The following IL4R variants were observed in gnomAD, a reference collection of about 807,000 sequenced individuals.
IL4R encodes the protein interleukin 4 receptor, also known as interleukin-4 receptor subunit alpha.
In IL4R, 17 loss-of-function variants were observed where a neutral mutation model predicts 41.5. That is an observed-to-expected ratio of 0.41 (90% confidence interval 0.28 to 0.61). The LOEUF is 0.61. Ranked by LOEUF, IL4R falls within the 20% of genes least tolerant of loss-of-function variation. IL4R has a pLI of 0.31. For missense variants in IL4R, 974 were observed against 1,043.1 expected, an observed-to-expected ratio of 0.93 and a Z score of 0.91; for synonymous variants, 402 against 422.9, an observed-to-expected ratio of 0.95 and a Z score of 0.61.
At chr16:27,347,056 A>G (rs2085673389) in intron 6 of IL4R, among the ~76,000 whole-genome samples, 1 of 152,212 alleles carries the variant, frequency 6.6e-6, no homozygotes, top group South Asian at 2.1e-4. Flanking sequence ...TGACTCGTTT[A>G]CTAATTCCTC....
chr16:27,360,263 T>C (rs3024667), intron 9 of IL4R, among the ~76,000 whole-genome samples: 123,731 of 151,958 alleles, frequency 0.81, 53,394 homozygotes, highest in Non-Finnish European at 0.95. Context: ...ATCCACCCAC[T>C]TCAGCCTCCC....
At chr16:27,314,044 G>C in intron 1 of IL4R, 24 bp downstream of exon 1, 1 of 985,078 alleles carries the variant, frequency 1.0e-6, no homozygotes, top group Middle Eastern at 5.2e-4. Flanking sequence ...CCCGCGCGCG[G>C]ATCGGGTTGC....
At chr16:27,361,429 A>AGAGT (rs1491456503) in intron 10 of IL4R, among the ~76,000 whole-genome samples, 1 of 151,954 alleles carries the variant, frequency 6.6e-6, no homozygotes, top group Non-Finnish European at 1.5e-5. Flanking sequence ...CCTGGGCGAC[A>AGAGT]GAGTGAGACT....
chr16:27,316,715 G>A (rs983908138), intron 1 of IL4R, among the ~76,000 whole-genome samples: 4 of 152,206 alleles, frequency 2.6e-5, no homozygotes, highest in Non-Finnish European at 5.9e-5. Flanking sequence ...ATGGACTTGA[G>A]CCAGATCACC....
chr16:27,321,760 C>T (rs574391917), intron 1 of IL4R, among the ~76,000 whole-genome samples: 1 of 152,342 alleles, frequency 6.6e-6, no homozygotes, highest in East Asian at 1.9e-4. Flanking sequence ...ACTTGTTACA[C>T]AATGTTATTC....
rs956064040 is a variant in IL4R at position 27,314,014 on chromosome 16, C to T, written c.-158C>T. 27 of 984,980 alleles carry T rather than the reference C, an allele frequency of 2.7e-5. No individual in the cohort carries two copies. The African/African-American group carries it at 3.8e-4, about 14-fold the overall frequency. 61.0% of individuals were successfully genotyped at this position (984,980 alleles called of 1,614,324 possible). On this transcript the variant is annotated 5_prime_UTR_variant, in exon 1 of 11. Coordinates refer to ENST00000395762, the MANE Select transcript of IL4R (RefSeq NM_000418.4). ...GCCCGGACGGCGAATGGAGCAGGGG[C>T]GCGCAGGTAGGATCCGGGGCCCGCG...
At chr16:27,342,076 G>T in intron 3 of IL4R, 45 bp from the exon 4 acceptor site, 2 of 1,603,530 alleles carry the variant, frequency 1.2e-6, no homozygotes, top group Non-Finnish European at 8.5e-7. Context: ...TCCCCCTCAC[G>T]CATTGAGTTC....
rs1164529966 is a variant in IL4R at position 27,363,358 on chromosome 16, A to G, written c.2006A>G (p.His669Arg). The G allele has an allele frequency of 2.5e-6, 4 of 1,613,942 alleles. No homozygotes were observed. The highest frequency in any genetic ancestry group is 3.4e-6 in the Non-Finnish European group (4 of 1,180,000). ...REPPRSPQSS[H>R]LPSSSPEHLG... ...CCACCTCGCAGTCCGCAGAGCTCAC[A>G]TCTCCCAAGCAGCTCCCCAGAGCAC... The change falls in exon 11 of 11, where the codon CAT becomes CGT. Residue 669 changes from histidine (H) to arginine (R), a missense_variant. His to Arg is a conservative substitution (Grantham distance 29, BLOSUM62 0). Around this residue, in one of 3 missense-constraint regions of IL4R, gnomAD observed 682 missense variants for 704.3 expected, o/e 0.97. Transcript: ENST00000395762.
chr16:27,329,671 C>G (rs1242336535), intron 1 of IL4R, among the ~76,000 whole-genome samples: 1 of 121,300 alleles, frequency 8.2e-6, no homozygotes, highest in Non-Finnish European at 1.7e-5. Flanking sequence ...AGCAAACCTC[C>G]GTCTCAAAAA....
chr16:27,328,438 A>C (rs1461549932), intron 1 of IL4R, among the ~76,000 whole-genome samples: 1 of 151,838 alleles, frequency 6.6e-6, no homozygotes, highest in Non-Finnish European at 1.5e-5. Flanking sequence ...TTTTGTAGAG[A>C]TGTGGTTTCA....
chr16:27,359,879 A>G, intron 9 of IL4R: 1 of 436,476 alleles, frequency 2.3e-6, no homozygotes. Flanking sequence ...TATTTAGCTT[A>G]TGCTTCTGCA....
intron 7 of IL4R, chr16:27,355,068 T>C (rs1444378541): frequency 2.2e-6 from 1 of 450,952 alleles, no homozygotes; most frequent in Non-Finnish European, 4.8e-6. Context: ...TGCTAGACAC[T>C]GGGGAATCGG....
chr16:27,352,413 C>A, intron 6 of IL4R, 127 bp from the exon 7 acceptor site: 1 of 731,394 alleles, frequency 1.4e-6, no homozygotes, highest in South Asian at 1.7e-5. Context: ...CTGAACAGGA[C>A]GAACAACCAA....
intron 2 of IL4R, among the ~76,000 whole-genome samples, chr16:27,331,252 C>T (rs1297499847): frequency 2.0e-5 from 3 of 152,054 alleles, no homozygotes; most frequent in South Asian, 4.1e-4. Context: ...TCAGATAGGT[C>T]ATTGATCCCC....
At chr16:27,334,625 G>C (rs549207300) in intron 2 of IL4R, among the ~76,000 whole-genome samples, 6 of 152,184 alleles carry the variant, frequency 3.9e-5, no homozygotes, top group South Asian at 4.1e-4. Context: ...TGACACCTTT[G>C]CCATCTCTGC....
rs761714994 is a variant in IL4R, at chr16:27,362,857, A to G, written c.1505A>G (p.Asn502Ser). 1.9e-6 allele frequency: 3 copies of G among 1,613,816 alleles called. No homozygotes were observed. The highest frequency in any genetic ancestry group is 2.2e-5 in the South Asian group (2 of 91,038). The change falls in exon 11 of 11, where the codon AAC becomes AGC. Residue 502 changes from asparagine to serine, a missense_variant. Asn to Ser is a conservative substitution (Grantham distance 46). Around this residue, in one of 3 missense-constraint regions of IL4R, gnomAD observed 682 missense variants for 704.3 expected, o/e 0.97. Coordinates refer to ENST00000395762, the MANE Select transcript of IL4R (RefSeq NM_000418.4). The stretch of plus-strand genomic sequence containing the variant: ...AACCCTGCTTACCGCAGCTTCAGCA[A>G]CTCCCTGAGCCAGTCACCGTGTCCC... ...AGNPAYRSFS[N>S]SLSQSPCPRE...
At chr16:27,352,036 C>T (rs2085896310) in intron 6 of IL4R, among the ~76,000 whole-genome samples, 1 of 152,166 alleles carries the variant, frequency 6.6e-6, no homozygotes, top group African/African-American at 2.4e-5. Context: ...ATGCCTCGAC[C>T]CTGCCAGTCC....
Position 27,364,556 on chromosome 16 carries a change from T to TA in IL4R, c.*727dup, listed in dbSNP as rs1266789346. The TA allele has an allele frequency of 6.6e-6, 1 of 152,088 alleles. No individual in the cohort carries two copies. The highest frequency in any genetic ancestry group is 6.5e-5 in the Admixed American group (1 of 15,270). The allele number at this position is 152,088 out of a possible 1,614,324, so 9.4% of individuals were successfully genotyped here. A position where few individuals can be genotyped will look rare whatever the true frequency, so the allele number is the denominator to read the frequency against. ...GTATGCATGGAACCCCCAGAATAAA[T>TA]ATGCTCAGCCACCCTGTGGGCCGGG... On this transcript the variant is annotated 3_prime_UTR_variant, in exon 11 of 11. Coordinates refer to ENST00000395762, the MANE Select transcript of IL4R (RefSeq NM_000418.4).
chr16:27,328,432 G>A, intron 1 of IL4R, among the ~76,000 whole-genome samples: 1 of 151,838 alleles, frequency 6.6e-6, no homozygotes, highest in Admixed American at 6.6e-5. Context: ...TTGTATTTTT[G>A]TAGAGATGTG....
Sources: gnomAD v4.1 joint callset for allele counts (sites outside exome capture counted in the v4.1 genomes callset) on GRCh38, gnomAD v4.1.1 for gene constraint, gnomAD v4.1.1 regional missense constraint, MANE v1.5 for transcripts, NCBI Gene and HGNC (gene_info 2026-07-23, HGNC 2026-07-21) for gene names.